ACSL3: variants seen among roughly 807,000 people sequenced by gnomAD.
The protein encoded by ACSL3 is acyl-CoA synthetase long chain family member 3, also known as fatty acid CoA ligase Acsl3.
ACSL3 carries 34 observed loss-of-function variants against 84.7 expected under a neutral mutation model. The ratio of observed to expected loss-of-function variants is 0.40; its 90% CI spans 0.31 to 0.53. The LOEUF (loss-of-function observed/expected upper bound fraction) is 0.53, where lower values mean the gene tolerates loss of function less well. ACSL3 is among the 20% of genes least tolerant of loss of function. The pLI is 0.48. For synonymous variants in ACSL3, 315 were observed against 299.4 expected, an observed-to-expected ratio of 1.05 and a Z score of -0.54; for missense variants, 680 against 873.1, an observed-to-expected ratio of 0.78 and a Z score of 2.79.
chr2:222,867,712 G>C (rs1695189149), intron 1 of ACSL3, among the ~76,000 whole-genome samples: 1 of 152,034 alleles, frequency 6.6e-6, no homozygotes, highest in Non-Finnish European at 1.5e-5. Context: ...TAGACTTTTA[G>C]GCTGTTTCCA....
intron 3 of ACSL3, among the ~76,000 whole-genome samples, chr2:222,901,698 G>A (rs2106111731): frequency 6.6e-6 from 1 of 152,182 alleles, no homozygotes; most frequent in Admixed American, 6.5e-5. Flanking sequence ...TGTAATCCCA[G>A]CACTTTGGGA....
At chr2:222,867,392 T>C (rs909567961) in intron 1 of ACSL3, among the ~76,000 whole-genome samples, 1 of 152,250 alleles carries the variant, frequency 6.6e-6, no homozygotes, top group Non-Finnish European at 1.5e-5. Context: ...TAACCACTGC[T>C]CTGAATTTGG....
At position 222,892,015 on chromosome 2, in the gene ACSL3, A is replaced by G. The variant is rs370238547; in HGVS notation, c.-148+4127A>G. ...TTTCGACAATTTTATTTTTGTATTA[A>G]GGAGGTTCTTGCATGGATTAATGAT... On this transcript the variant is annotated intron_variant, in intron 2 of 16. Coordinates refer to ENST00000357430, the MANE Select transcript of ACSL3 (RefSeq NM_004457.5). Among the ~76,000 whole-genome samples the G allele has an allele frequency of 1.1e-4, 16 of 152,258 alleles. No individual in the cohort carries two copies. In the East Asian group the frequency reaches 3.1e-3, roughly 29 times the overall value.
At chr2:222,937,379 C>A (rs534874768) in intron 16 of ACSL3, among the ~76,000 whole-genome samples, 1 of 152,084 alleles carries the variant, frequency 6.6e-6, no homozygotes, top group East Asian at 1.9e-4. Flanking sequence ...TCTGATTGTT[C>A]TATTCATAAA....
intron 1 of ACSL3, among the ~76,000 whole-genome samples, chr2:222,869,049 A>G (rs369545319): frequency 2.6e-5 from 4 of 152,112 alleles, no homozygotes; most frequent in Admixed American, 6.5e-5. Context: ...GTGAGTTGAC[A>G]TGGTGAAATT....
intron 16 of ACSL3, among the ~76,000 whole-genome samples, chr2:222,936,005 A>G (rs1445537850): frequency 1.3e-5 from 2 of 152,138 alleles, no homozygotes; most frequent in African/African-American, 2.4e-5. Context: ...ATACATGTGG[A>G]ATCATACGGT....
intron 1 of ACSL3, among the ~76,000 whole-genome samples, chr2:222,868,498 TCTTTTTTGAAGCAGCATTTTAACAC>T (rs1465475308): frequency 4.9e-4 from 75 of 152,360 alleles, no homozygotes; most frequent in African/African-American, 1.8e-3. Context: ...GGTGTTGCCT[TCTTTTTTGAAGCAGCATTTTAACAC>T]AGACATCTAT....
At chr2:222,878,654 C>T (rs1182477534) in intron 1 of ACSL3, among the ~76,000 whole-genome samples, 1 of 152,142 alleles carries the variant, frequency 6.6e-6, no homozygotes, top group Non-Finnish European at 1.5e-5. Flanking sequence ...TGTTTGGAGC[C>T]CCAGCCCTGT....
rs556290356 is a variant in ACSL3, at chr2:222,877,540, T to G, written c.-206-10290T>G. Reference sequence around the variant, plus strand: ...TGTTTTTATTAGATACTAACCTCAGTGACGGCTACATATACACTTATACCT... The same window carrying G: ...TGTTTTTATTAGATACTAACCTCAGGGACGGCTACATATACACTTATACCT... On this transcript the variant is annotated intron_variant, in intron 1 of 16. Coordinates refer to ENST00000357430, the MANE Select transcript of ACSL3 (RefSeq NM_004457.5). Among the ~76,000 whole-genome samples, 4 of 152,358 alleles carry G rather than the reference T, an allele frequency of 2.6e-5. No homozygotes were observed. In the East Asian group the frequency reaches 5.8e-4, roughly 22 times the overall value.
At chr2:222,883,883 TG>T (rs1235440671) in intron 1 of ACSL3, among the ~76,000 whole-genome samples, 19 of 152,216 alleles carry the variant, frequency 1.2e-4, no homozygotes, top group Non-Finnish European at 2.6e-4. Flanking sequence ...TAATTTCAGC[TG>T]CTATTAATTT....
chr2:222,864,955 C>T (rs1281150029), intron 1 of ACSL3, among the ~76,000 whole-genome samples: 3 of 152,158 alleles, frequency 2.0e-5, no homozygotes, highest in African/African-American at 7.2e-5. Context: ...TGACTCATGA[C>T]AGTCTTTTAG....
intron 7 of ACSL3, among the ~76,000 whole-genome samples, chr2:222,919,799 C>G (rs1159133370): frequency 1.3e-5 from 2 of 152,210 alleles, no homozygotes; most frequent in African/African-American, 2.4e-5. Flanking sequence ...AGCATTCACT[C>G]AACTCAAATT....
intron 12 of ACSL3, 41 bp from the exon 13 acceptor site, chr2:222,928,821 G>C (rs777302356): frequency 2.0e-6 from 3 of 1,496,358 alleles, no homozygotes; most frequent in Middle Eastern, 1.8e-4. Context: ...CAGTGTATTA[G>C]CTACTGTTCT....
rs1267319949 is a variant in ACSL3, at chr2:222,930,243, T to C, written c.1541-378T>C. ...CTGGCCCAGCAGTAACTCATTCTTA[T>C]ATAGGGATTTGTTCTATTAATTGCA... On this transcript the variant is annotated intron_variant, in intron 13 of 16. Transcript: ENST00000357430. Among the ~76,000 whole-genome samples, 7 of 152,190 alleles carry C rather than the reference T, an allele frequency of 4.6e-5. No homozygotes were observed. In the South Asian group the frequency reaches 8.3e-4, roughly 18 times the overall value.
At chr2:222,905,743 A>G (rs1696275914) in intron 3 of ACSL3, among the ~76,000 whole-genome samples, 1 of 152,218 alleles carries the variant, frequency 6.6e-6, no homozygotes. Flanking sequence ...TGGTGAACAG[A>G]GCCTGAGGCT....
chr2:222,901,032 T>G (rs1559288173), intron 3 of ACSL3, among the ~76,000 whole-genome samples: 1 of 152,192 alleles, frequency 6.6e-6, no homozygotes, highest in Non-Finnish European at 1.5e-5. Flanking sequence ...GTGCCATAAC[T>G]TCTAAAGCTC....
rs766190690 is a variant in ACSL3, at chr2:222,908,747, C to A, written c.-26C>A. 2.6e-6 allele frequency: 4 copies of A among 1,558,466 alleles called. No homozygotes were observed. The highest frequency in any genetic ancestry group is 2.5e-5 in the South Asian group (2 of 80,576). On this transcript the variant is annotated 5_prime_UTR_variant, in exon 4 of 17. The change creates a new upstream start codon in the 5' untranslated region. Coordinates refer to ENST00000357430, the MANE Select transcript of ACSL3 (RefSeq NM_004457.5). ...CTTCCTCCTAGATTCTCGCTGAAGT[C>A]TGTTAATTCTACTTTTTGAGTACTT...
chr2:222,898,799 C>T (rs1696060568), intron 2 of ACSL3, among the ~76,000 whole-genome samples: 1 of 152,062 alleles, frequency 6.6e-6, no homozygotes, highest in African/African-American at 2.4e-5. Flanking sequence ...TGCACTCCAG[C>T]CTGGGCAAAA....
chr2:222,869,295 A>G (rs879769971), intron 1 of ACSL3, among the ~76,000 whole-genome samples: 21 of 152,312 alleles, frequency 1.4e-4, no homozygotes, highest in Non-Finnish European at 2.4e-4. Flanking sequence ...AAAGATTTCA[A>G]TTCTTACCTC....
Sources: gnomAD v4.1 joint callset for allele counts (sites outside exome capture counted in the v4.1 genomes callset) on GRCh38, gnomAD v4.1.1 for gene constraint, MANE v1.5 for transcripts, NCBI Gene and HGNC (gene_info 2026-07-23, HGNC 2026-07-21) for gene names.